The following CYTH3 variants were observed in gnomAD, a reference collection of about 807,000 sequenced individuals.
CYTH3 encodes cytohesin-3.
Under a neutral mutation model 55.1 loss-of-function variants are expected in CYTH3, and 23 were observed. That is an observed-to-expected ratio of 0.42 (90% CI 0.30 to 0.59). The LOEUF (loss-of-function observed/expected upper bound fraction) is 0.59, where lower values mean the gene tolerates loss of function less well. Ranked by LOEUF, CYTH3 falls within the 20% of genes least tolerant of loss-of-function variation. The pLI, the probability that CYTH3 is intolerant of heterozygous loss-of-function variation, is 0.20. For missense variants in CYTH3, 413 were observed against 524.8 expected, an observed-to-expected ratio of 0.79 and a Z score of 2.08; for synonymous variants, 249 against 194.9, an observed-to-expected ratio of 1.28 and a Z score of -2.31.
chr7:6,168,738 C>T (rs1017035), intron 9 of CYTH3, among the ~76,000 whole-genome samples: 119,100 of 152,244 alleles, frequency 0.78, 47,758 homozygotes, highest in East Asian at 1. Context: ...ACAGGTTAGA[C>T]AACACGAGCT....
chr7:6,179,554 T>C (rs1182676256), intron 4 of CYTH3, among the ~76,000 whole-genome samples: 2 of 151,558 alleles, frequency 1.3e-5, no homozygotes, highest in African/African-American at 2.4e-5. Flanking sequence ...CTGGTGATGG[T>C]ACCCACAGGG....
chr7:6,206,511 T>C (rs6943298), intron 1 of CYTH3, among the ~76,000 whole-genome samples: 87 of 152,370 alleles, frequency 5.7e-4, no homozygotes, highest in African/African-American at 1.9e-3. Context: ...ATGTTGCACA[T>C]GGCTATTTCA....
chr7:6,173,639 A>G lies in CYTH3; in HGVS notation c.449+14T>C. On this transcript the variant is annotated intron_variant, in intron 6 of 12. Transcript: ENST00000350796. ...TCCCCATCCACTCTACACCCAGCAA[A>G]TGATCATACTTACCTTAAGGCTTGT... The G allele has an allele frequency of 2.5e-6, 4 of 1,584,176 alleles. No individual in the cohort carries two copies. Among genetic ancestry groups the G allele is most frequent in the Non-Finnish European group, 3.5e-6 (4 of 1,153,186 alleles).
intron 1 of CYTH3, among the ~76,000 whole-genome samples, chr7:6,216,702 C>T (rs1274439420): frequency 1.3e-5 from 2 of 151,974 alleles, no homozygotes. Context: ...GATCACACTA[C>T]TGCACTCCAA....
At chr7:6,165,246 T>C (rs367892641) in intron 12 of CYTH3, 27 bp downstream of exon 12, 137 of 1,597,158 alleles carry the variant, frequency 8.6e-5, no homozygotes, top group Non-Finnish European at 1.2e-4. Context: ...AAGACGGGCC[T>C]GGCCCCGCCC....
chr7:6,255,893 A>G (rs1026514934), intron 1 of CYTH3, among the ~76,000 whole-genome samples: 2 of 149,570 alleles, frequency 1.3e-5, no homozygotes, highest in Non-Finnish European at 3.0e-5. Flanking sequence ...CCTCCTGAGT[A>G]GCTGGGACTA....
intron 1 of CYTH3, among the ~76,000 whole-genome samples, chr7:6,216,041 C>T (rs1484362517): frequency 6.6e-6 from 1 of 152,188 alleles, no homozygotes; most frequent in Non-Finnish European, 1.5e-5. Context: ...AAAAGAATGG[C>T]TAGCGGGAGT....
At chr7:6,220,749 A>G (rs1030580041) in intron 1 of CYTH3, among the ~76,000 whole-genome samples, 5 of 152,128 alleles carry the variant, frequency 3.3e-5, no homozygotes, top group Non-Finnish European at 2.9e-5. Flanking sequence ...TAATCCCAGC[A>G]CTTTGGGAGG....
At chr7:6,200,553 A>G (rs1477129528) in intron 1 of CYTH3, among the ~76,000 whole-genome samples, 5 of 152,312 alleles carry the variant, frequency 3.3e-5, no homozygotes, top group Admixed American at 6.5e-5. Context: ...TTACTAATCA[A>G]TACTAATTTT....
chr7:6,255,175 C>G (rs1414660162), intron 1 of CYTH3, among the ~76,000 whole-genome samples: 1 of 152,116 alleles, frequency 6.6e-6, no homozygotes, highest in African/African-American at 2.4e-5. Context: ...TACACAAAAT[C>G]ACAAGGCTAG....
At chr7:6,183,978 C>T (rs913446327) in intron 4 of CYTH3, among the ~76,000 whole-genome samples, 5 of 151,204 alleles carry the variant, frequency 3.3e-5, no homozygotes, top group Admixed American at 3.3e-4. Context: ...TGCTGGCACC[C>T]TCATCTCGGA....
At chr7:6,191,691 G>T (rs901448945) in intron 1 of CYTH3, among the ~76,000 whole-genome samples, 23 of 151,370 alleles carry the variant, frequency 1.5e-4, no homozygotes, top group African/African-American at 5.3e-4. Flanking sequence ...CGTCTCCTGG[G>T]TTCACTGCAC....
chr7:6,219,505 G>T (rs1160214206), intron 1 of CYTH3, among the ~76,000 whole-genome samples: 1 of 152,192 alleles, frequency 6.6e-6, no homozygotes, highest in Non-Finnish European at 1.5e-5. Flanking sequence ...CCAATGTTTT[G>T]CTAGTATGCT....
rs763633892 is a variant in CYTH3 at position 6,241,101 on chromosome 7, G to A, written c.34+31373C>T. 4.0e-5 allele frequency among the ~76,000 whole-genome samples: 6 copies of A among 151,868 alleles called. 1 individual carries two copies. The highest frequency in any genetic ancestry group is 3.9e-4 in the East Asian group (2 of 5,184). On this transcript the variant is annotated intron_variant, in intron 1 of 12. Coordinates refer to ENST00000350796, the MANE Select transcript of CYTH3 (RefSeq NM_004227.4). Reference sequence around the variant, plus strand: ...TGTGCCACTGCACTCCAGCCTGGGCGACAGAGTGAGACTCATCTCAAAAAA... The same window carrying A: ...TGTGCCACTGCACTCCAGCCTGGGCAACAGAGTGAGACTCATCTCAAAAAA...
At position 6,245,150 on chromosome 7, in the gene CYTH3, T is replaced by C. The variant is rs76558211; in HGVS notation, c.34+27324A>G. On this transcript the variant is annotated intron_variant, in intron 1 of 12. Coordinates refer to ENST00000350796, the MANE Select transcript of CYTH3 (RefSeq NM_004227.4). ...TCTTTTTACATAAAATGTTACAAAA[T>C]TGCTACGTGAAGAGATTAGAATAGG... is the stretch of plus-strand genomic sequence containing the variant. Among the ~76,000 whole-genome samples, 944 of 151,454 alleles carry C rather than the reference T, an allele frequency of 6.2e-3. 9 individuals carry two copies. The highest frequency in any genetic ancestry group is 0.022 in the African/African-American group (892 of 41,296).
intron 1 of CYTH3, among the ~76,000 whole-genome samples, chr7:6,264,713 T>G (rs1780443564): frequency 6.6e-6 from 1 of 152,212 alleles, no homozygotes; most frequent in African/African-American, 2.4e-5. Flanking sequence ...GACCAGGGAT[T>G]GCTAGACACA....
In CYTH3 at chr7:6,258,312, C is replaced by CAAA. The variant is rs1203222006; in HGVS notation, c.34+14159_34+14161dup. ...TAGGAGACAGAGCAAGACACAGTCT[C>CAAA]AAAAAAAAAAAAGAAAAGAAAAGAA... is the stretch of plus-strand genomic sequence containing the variant. On this transcript the variant is annotated intron_variant, in intron 1 of 12. Transcript: ENST00000350796. Among the ~76,000 whole-genome samples the CAAA allele has an allele frequency of 1.6e-4, 20 of 123,080 alleles. 1 individual carries two copies. Among genetic ancestry groups the CAAA allele is most frequent in the African/African-American group, 6.6e-4 (20 of 30,358 alleles). The allele number at this position is 123,080 out of a possible 152,430, so 80.7% of individuals were successfully genotyped here.
At chr7:6,184,325 G>C (rs1281562769) in intron 4 of CYTH3, among the ~76,000 whole-genome samples, 1 of 151,496 alleles carries the variant, frequency 6.6e-6, no homozygotes, top group Non-Finnish European at 1.5e-5. Context: ...CTCCCAAAGT[G>C]CTGGGATTAC....
intron 1 of CYTH3, among the ~76,000 whole-genome samples, chr7:6,215,359 G>C (rs531185726): frequency 1.8e-3 from 269 of 152,300 alleles, no homozygotes; most frequent in African/African-American, 6.0e-3. Flanking sequence ...GGGATGCCGA[G>C]GCGGGCGGAT....
Sources: gnomAD v4.1 joint callset for allele counts (sites outside exome capture counted in the v4.1 genomes callset) on GRCh38, gnomAD v4.1.1 for gene constraint, MANE v1.5 for transcripts, NCBI Gene and HGNC (gene_info 2026-07-23, HGNC 2026-07-21) for gene names.